The following MTMR7 variants were observed in gnomAD, a reference collection of about 807,000 sequenced individuals.
MTMR7 encodes myotubularin related protein 7.
In MTMR7, 76 loss-of-function variants were observed where a neutral mutation model predicts 81.2. The observed-to-expected ratio is 0.94, with a 90% CI of 0.78 to 1.13. MTMR7 has a LOEUF of 1.13. Among genes scored for constraint, MTMR7 ranks in the 50% most tolerant of loss-of-function variants. The pLI, the probability that MTMR7 is intolerant of heterozygous loss-of-function variation, is 0.00. For synonymous variants in MTMR7, 372 were observed against 289.8 expected (o/e 1.28, Z -2.88); for missense variants, 1,044 against 820.0 (o/e 1.27, Z -3.34).
intron 4 of MTMR7, among the ~76,000 whole-genome samples, chr8:17,352,002 T>C (rs1203835420): frequency 2.0e-5 from 3 of 152,196 alleles, no homozygotes; most frequent in African/African-American, 7.2e-5. Context: ...GAAGACTTAA[T>C]ATTGTGAAGA....
intron 1 of MTMR7, among the ~76,000 whole-genome samples, chr8:17,376,610 C>CT (rs1453857960): frequency 6.6e-6 from 1 of 152,070 alleles, no homozygotes; most frequent in African/African-American, 2.4e-5. Flanking sequence ...ATTATAATCT[C>CT]TTTTTTTGAT....
At chr8:17,338,407 T>C (rs996593695) in intron 6 of MTMR7, among the ~76,000 whole-genome samples, 8 of 152,336 alleles carry the variant, frequency 5.3e-5, no homozygotes, top group Non-Finnish European at 5.9e-5. Flanking sequence ...TGTCTGGCTT[T>C]ATTTAAATCT....
At chr8:17,301,812 A>C (rs891737414) in intron 13 of MTMR7, 7 of 326,330 alleles carry the variant, frequency 2.1e-5, no homozygotes, top group African/African-American at 1.5e-4. Context: ...GAGTTTTACA[A>C]GTACATATAT....
chr8:17,377,115 CTGT>C lies in MTMR7; in HGVS notation c.25-3878_25-3876del, dbSNP rs1820614026. On this transcript the variant is annotated intron_variant, in intron 1 of 13. Coordinates refer to ENST00000180173, the MANE Select transcript of MTMR7 (RefSeq NM_004686.5). ...TCCATGCCCTAGCCTATTCATGCTG[CTGT>C]TATCAAGTGAATTAACCATGGTTAT... 3.3e-5 allele frequency among the ~76,000 whole-genome samples: 5 copies of C among 152,020 alleles called. 1 individual carries two copies. The South Asian group carries it at 1.0e-3, about 31-fold the overall frequency.
intron 1 of MTMR7, among the ~76,000 whole-genome samples, chr8:17,405,944 T>G (rs1821570399): frequency 6.6e-6 from 1 of 151,922 alleles, no homozygotes; most frequent in African/African-American, 2.4e-5. Context: ...AGAAAAATGT[T>G]AATATATACA....
intron 1 of MTMR7, among the ~76,000 whole-genome samples, chr8:17,378,344 A>G (rs565621624): frequency 6.6e-6 from 1 of 152,350 alleles, no homozygotes. Flanking sequence ...GAAGTCAGAA[A>G]GCACTGTTCA....
At chr8:17,373,370 C>A (rs1271577706) in intron 1 of MTMR7, 130 bp from the exon 2 acceptor site, 5 of 1,041,298 alleles carry the variant, frequency 4.8e-6, no homozygotes, top group Non-Finnish European at 5.3e-6. Context: ...ATAATAAAAA[C>A]CAAAAACTTC....
intron 6 of MTMR7, among the ~76,000 whole-genome samples, chr8:17,334,015 C>A (rs1298831943): frequency 6.6e-6 from 1 of 152,192 alleles, no homozygotes; most frequent in Admixed American, 6.5e-5. Flanking sequence ...AATTAAGACT[C>A]CATGTACACA....
chr8:17,370,387 G>C (rs1477821947), intron 3 of MTMR7, among the ~76,000 whole-genome samples: 1 of 151,412 alleles, frequency 6.6e-6, no homozygotes, highest in Admixed American at 6.6e-5. Context: ...AGGGTGTGGT[G>C]GTGGGCACCT....
At chr8:17,374,173 C>T (rs1425701787) in intron 1 of MTMR7, among the ~76,000 whole-genome samples, 2 of 152,186 alleles carry the variant, frequency 1.3e-5, no homozygotes, top group Non-Finnish European at 2.9e-5. Flanking sequence ...GCATTGTATT[C>T]GCTCCATTCT....
Position 17,341,388 on chromosome 8 carries a change from A to G in MTMR7, c.707T>C (p.Val236Ala). The G allele has an allele frequency of 6.2e-7, 1 of 1,614,152 alleles. No individual in the cohort carries two copies. The highest frequency in any genetic ancestry group is 8.5e-7 in the Non-Finnish European group (1 of 1,179,994). ...IRKANPGSDF[V>A]YVVDTRPKLN... Reference sequence around the variant, plus strand: ...TTTAGGCCGGGTGTCAACGACATAAACGAAGTCACTTCCTGGATTGGCTTT... The same window carrying G: ...TTTAGGCCGGGTGTCAACGACATAAGCGAAGTCACTTCCTGGATTGGCTTT... Residue 236 changes from valine (V) to alanine (A), a missense_variant, in exon 6 of 14, where the codon GTT becomes GCT. By Grantham distance (64) the Val-to-Ala change is moderately conservative. Coordinates refer to ENST00000180173, the MANE Select transcript of MTMR7 (RefSeq NM_004686.5).
intron 1 of MTMR7, among the ~76,000 whole-genome samples, chr8:17,385,103 T>C (rs1563372131): frequency 6.6e-6 from 1 of 152,212 alleles, no homozygotes; most frequent in African/African-American, 2.4e-5. Flanking sequence ...AAAAACTGCA[T>C]TCTGCTGTGA....
intron 11 of MTMR7, among the ~76,000 whole-genome samples, chr8:17,305,453 C>T (rs1384709894): frequency 6.6e-6 from 1 of 152,108 alleles, no homozygotes; most frequent in Admixed American, 6.6e-5. Flanking sequence ...CTAACCTTTT[C>T]CTTTTAAATG....
rs998617267 is a variant in MTMR7, at chr8:17,296,983, A to G, written c.*2879T>C. On this transcript the variant is annotated 3_prime_UTR_variant, in exon 14 of 14. Coordinates refer to ENST00000180173, the MANE Select transcript of MTMR7 (RefSeq NM_004686.5). ...GTCACCCACGATGAAAAGAATCTGC[A>G]TTTGAATATGCCCGTATGAATGTGG... 6.6e-6 allele frequency: 1 copy of G among 152,178 alleles called. No homozygotes were observed. The highest frequency in any genetic ancestry group is 1.5e-5 in the Non-Finnish European group (1 of 68,008). 9.4% of individuals were successfully genotyped at this position (152,178 alleles called of 1,614,324 possible).
At chr8:17,398,590 C>G (rs918993788) in intron 1 of MTMR7, among the ~76,000 whole-genome samples, 28 of 152,088 alleles carry the variant, frequency 1.8e-4, no homozygotes, top group African/African-American at 5.1e-4. Context: ...CTAAGAGTTA[C>G]TGGCCTTAAA....
At chr8:17,409,871 C>T (rs1370924652) in intron 1 of MTMR7, among the ~76,000 whole-genome samples, 1 of 152,128 alleles carries the variant, frequency 6.6e-6, no homozygotes, top group Non-Finnish European at 1.5e-5. Flanking sequence ...AGTCCCGAGG[C>T]AGAAAAGAAC....
chr8:17,350,777 A>G (rs1819706485), intron 4 of MTMR7, among the ~76,000 whole-genome samples: 1 of 152,240 alleles, frequency 6.6e-6, no homozygotes, highest in South Asian at 2.1e-4. Context: ...TTAGCAGAAT[A>G]GAAAACTACA....
rs1374961658 is a variant in MTMR7 at position 17,347,756 on chromosome 8, C to CT, written c.597+1196dup. On this transcript the variant is annotated intron_variant, in intron 5 of 13. Coordinates refer to ENST00000180173, the MANE Select transcript of MTMR7 (RefSeq NM_004686.5). Reference sequence around the variant, plus strand: ...TCCTATCCTCCGCAGAAATGGAACTCTAAGTTTTAGCTATTTTAATGGCCA... The same window carrying CT: ...TCCTATCCTCCGCAGAAATGGAACTCTTAAGTTTTAGCTATTTTAATGGCCA... Among the ~76,000 whole-genome samples the CT allele has an allele frequency of 3.3e-5, 5 of 152,308 alleles. No individual in the cohort carries two copies. In the East Asian group the frequency reaches 9.6e-4, roughly 29 times the overall value.
At chr8:17,306,462 T>C (rs1267503494) in intron 10 of MTMR7, among the ~76,000 whole-genome samples, 1 of 152,118 alleles carries the variant, frequency 6.6e-6, no homozygotes, top group Admixed American at 6.6e-5. Flanking sequence ...GCTTATCACG[T>C]GATTTATTTC....
Sources: gnomAD v4.1 joint callset for allele counts (sites outside exome capture counted in the v4.1 genomes callset) on GRCh38, gnomAD v4.1.1 for gene constraint, MANE v1.5 for transcripts, NCBI Gene and HGNC (gene_info 2026-07-23, HGNC 2026-07-21) for gene names.